PPFIA2: variants seen among roughly 807,000 people sequenced by gnomAD.
The protein encoded by PPFIA2 is PPFI scaffold protein A2.
Under a neutral mutation model 175.5 loss-of-function variants are expected in PPFIA2, and 46 were observed. The observed-to-expected ratio is 0.26, with a 90% CI of 0.21 to 0.34. The LOEUF (loss-of-function observed/expected upper bound fraction) is 0.34. PPFIA2 is among the 10% of genes least tolerant of loss of function. The pLI, the probability that PPFIA2 is intolerant of heterozygous loss-of-function variation, is 1.00. For synonymous variants in PPFIA2, 568 were observed against 511.4 expected (o/e 1.11, Z -1.49); for missense variants, 1,179 against 1,506.1 (o/e 0.78, Z 3.60).
chr12:81,567,107 C>A (rs374783040), intron 4 of PPFIA2, among the ~76,000 whole-genome samples: 60 of 152,324 alleles, frequency 3.9e-4, no homozygotes, highest in African/African-American at 1.4e-3. Context: ...AGTGCAGTGG[C>A]GCAATCTCGG....
intron 4 of PPFIA2, among the ~76,000 whole-genome samples, chr12:81,530,436 C>A (rs1418893287): frequency 6.6e-6 from 1 of 151,938 alleles, no homozygotes. Context: ...AATGCAAGAT[C>A]CAATCTAATG....
At chr12:81,519,397 A>T (rs560638484) in intron 4 of PPFIA2, among the ~76,000 whole-genome samples, 1 of 152,352 alleles carries the variant, frequency 6.6e-6, no homozygotes, top group East Asian at 1.9e-4. Flanking sequence ...TATTAATTAC[A>T]TCAGGTAAAT....
chr12:81,708,891 C>T (rs550711813), intron 3 of PPFIA2, among the ~76,000 whole-genome samples: 2 of 152,274 alleles, frequency 1.3e-5, no homozygotes, highest in South Asian at 4.1e-4. Flanking sequence ...AGTGTTGTTT[C>T]AGGCAGGCAA....
intron 8 of PPFIA2, among the ~76,000 whole-genome samples, chr12:81,386,458 T>TA (rs1272654656): frequency 1.3e-5 from 2 of 151,606 alleles, no homozygotes; most frequent in Non-Finnish European, 2.9e-5. Context: ...ACTCCAACTC[T>TA]AAAAAATAGG....
At chr12:81,343,290 A>G (rs374175029) in intron 19 of PPFIA2, among the ~76,000 whole-genome samples, 4 of 152,190 alleles carry the variant, frequency 2.6e-5, no homozygotes, top group African/African-American at 7.2e-5. Flanking sequence ...ACATTTTCGT[A>G]TAGAACCTTC....
At chr12:81,292,862 A>G (rs547779797) in intron 24 of PPFIA2, 52 of 152,176 alleles carry the variant, frequency 3.4e-4, no homozygotes, top group African/African-American at 1.2e-3. Context: ...TAAAAATAAT[A>G]TAGGTAAGAA....
intron 7 of PPFIA2, among the ~76,000 whole-genome samples, chr12:81,411,374 T>A (rs2043933671): frequency 6.6e-6 from 1 of 152,064 alleles, no homozygotes; most frequent in South Asian, 2.1e-4. Context: ...TTATTTGTGT[T>A]TTCTGGTTGC....
intron 4 of PPFIA2, among the ~76,000 whole-genome samples, chr12:81,564,463 C>A (rs1221543321): frequency 1.3e-5 from 2 of 152,116 alleles, no homozygotes; most frequent in Non-Finnish European, 2.9e-5. Flanking sequence ...GTTGTCTGTA[C>A]AGTGAACTGC....
At chr12:81,484,040 T>C (rs919208334) in intron 4 of PPFIA2, among the ~76,000 whole-genome samples, 3 of 151,992 alleles carry the variant, frequency 2.0e-5, no homozygotes, top group Admixed American at 2.0e-4. Flanking sequence ...GATGGTGCTG[T>C]ATTCTTAAAG....
At chr12:81,366,124 T>TTCTCTC (rs984256867) in intron 14 of PPFIA2, among the ~76,000 whole-genome samples, 1 of 147,870 alleles carries the variant, frequency 6.8e-6, no homozygotes, top group African/African-American at 2.5e-5. Flanking sequence ...TTTCCCTTCC[T>TTCTCTC]TCTCTCTCTC....
intron 4 of PPFIA2, among the ~76,000 whole-genome samples, chr12:81,517,180 T>C (rs2062568579): frequency 1.4e-5 from 2 of 145,440 alleles, no homozygotes; most frequent in Admixed American, 1.4e-4. Context: ...CCACTCAAAC[T>C]AGTGGGAAAT....
intron 3 of PPFIA2, among the ~76,000 whole-genome samples, chr12:81,722,951 C>T (rs922132735): frequency 2.0e-5 from 3 of 151,066 alleles, no homozygotes; most frequent in African/African-American, 4.8e-5. Context: ...ACCTGTTCAA[C>T]TTGTCAGGTT....
At chr12:81,633,075 A>C (rs576558155) in intron 4 of PPFIA2, among the ~76,000 whole-genome samples, 1 of 152,216 alleles carries the variant, frequency 6.6e-6, no homozygotes, top group East Asian at 1.9e-4. Context: ...TGATGTAGTA[A>C]AAACTTGATC....
intron 3 of PPFIA2, among the ~76,000 whole-genome samples, chr12:81,734,473 A>C (rs1005496523): frequency 1.3e-5 from 2 of 151,764 alleles, no homozygotes; most frequent in Non-Finnish European, 2.9e-5. Flanking sequence ...AAGACATAAT[A>C]AGAAGCTTAA....
intron 4 of PPFIA2, among the ~76,000 whole-genome samples, chr12:81,463,736 C>T (rs2055077243): frequency 1.3e-5 from 2 of 152,040 alleles, no homozygotes; most frequent in Admixed American, 1.3e-4. Flanking sequence ...TACATGCATT[C>T]AGGGAATTAA....
At chr12:81,632,714 T>C (rs1185063591) in intron 4 of PPFIA2, among the ~76,000 whole-genome samples, 2 of 151,132 alleles carry the variant, frequency 1.3e-5, no homozygotes. Flanking sequence ...AAAGGAAATA[T>C]GCAAGCTACA....
At chr12:81,655,366 G>A (rs1223874944) in intron 4 of PPFIA2, among the ~76,000 whole-genome samples, 2 of 150,484 alleles carry the variant, frequency 1.3e-5, no homozygotes, top group African/African-American at 4.9e-5. Flanking sequence ...TTTTCCCTAG[G>A]TTCTTAGATT....
intron 4 of PPFIA2, among the ~76,000 whole-genome samples, chr12:81,474,361 T>G (rs2057202101): frequency 6.6e-6 from 1 of 152,178 alleles, no homozygotes; most frequent in Non-Finnish European, 1.5e-5. Context: ...CTTGCCATGT[T>G]TTTTGGGCTG....
chr12:81,663,181 C>A (rs2069308815), intron 4 of PPFIA2, among the ~76,000 whole-genome samples: 1 of 152,162 alleles, frequency 6.6e-6, no homozygotes, highest in Non-Finnish European at 1.5e-5. Flanking sequence ...GTGGGAAGTT[C>A]TGGCCAGGGC....
Sources: gnomAD v4.1 joint callset for allele counts (sites outside exome capture counted in the v4.1 genomes callset) on GRCh38, gnomAD v4.1.1 for gene constraint, MANE v1.5 for transcripts, NCBI Gene and HGNC (gene_info 2026-07-23, HGNC 2026-07-21) for gene names.